The following DNAJC3 variants were observed in gnomAD, a reference collection of about 807,000 sequenced individuals.
DNAJC3 encodes the protein dnaJ homolog subfamily C member 3.
In DNAJC3, 38 loss-of-function variants were observed where a neutral mutation model predicts 68.6. The observed-to-expected ratio is 0.55, with a 90% CI of 0.43 to 0.73. The LOEUF (loss-of-function observed/expected upper bound fraction) is 0.73. Among genes scored for constraint, DNAJC3 ranks in the 30% least tolerant of loss-of-function variants. The pLI, the probability that DNAJC3 is intolerant of heterozygous loss-of-function variation, is 0.00. For synonymous variants in DNAJC3, 203 were observed against 204.0 expected (o/e 1.00, Z 0.04); for missense variants, 526 against 591.9 (o/e 0.89, Z 1.16).
intron 7 of DNAJC3, among the ~76,000 whole-genome samples, chr13:95,762,258 G>A (rs374869033): frequency 2.0e-5 from 3 of 151,430 alleles, no homozygotes; most frequent in African/African-American, 7.3e-5. Context: ...GCGAAACTCC[G>A]TCTCTAAAAA....
At chr13:95,698,833 G>A (rs1880516707) in intron 1 of DNAJC3, among the ~76,000 whole-genome samples, 1 of 152,214 alleles carries the variant, frequency 6.6e-6, no homozygotes, top group Non-Finnish European at 1.5e-5. Context: ...TTTTATAGGA[G>A]TATAAAGTAA....
intron 9 of DNAJC3, among the ~76,000 whole-genome samples, chr13:95,775,994 T>C (rs1038488008): frequency 6.6e-6 from 1 of 151,882 alleles, no homozygotes; most frequent in Non-Finnish European, 1.5e-5. Context: ...TTTTTATATA[T>C]ATATATATAC....
At chr13:95,705,514 C>G (rs1459679454) in intron 1 of DNAJC3, among the ~76,000 whole-genome samples, 1 of 151,686 alleles carries the variant, frequency 6.6e-6, no homozygotes, top group African/African-American at 2.4e-5. Context: ...CCCTCTCTCT[C>G]TCTCTCTTTT....
At chr13:95,739,019 G>T (rs184461361) in intron 4 of DNAJC3, among the ~76,000 whole-genome samples, 5 of 151,946 alleles carry the variant, frequency 3.3e-5, no homozygotes, top group African/African-American at 1.2e-4. Context: ...GGCAGGCCTG[G>T]TGGTGACAGA....
At chr13:95,692,506 ATCTTT>A (rs1029724989) in intron 1 of DNAJC3, 6 of 152,056 alleles carry the variant, frequency 3.9e-5, no homozygotes, top group Non-Finnish European at 7.4e-5. Context: ...GTTGTATTGA[ATCTTT>A]TATTATTTTA....
In DNAJC3 at chr13:95,758,589, G is replaced by A. The variant is rs1882733600; in HGVS notation, c.546+793G>A. On this transcript the variant is annotated intron_variant, in intron 5 of 11. Transcript: ENST00000602402. ...GGTTGCAGTGAGCCACTACACTGTA[G>A]CCTGGGCCACAGAGTGAGACTCCGT... Among the ~76,000 whole-genome samples the A allele has an allele frequency of 2.0e-5, 3 of 149,540 alleles. No individual in the cohort carries two copies. In the South Asian group the frequency reaches 6.4e-4, roughly 32 times the overall value.
chr13:95,768,588 GT>G (rs1254285895), intron 9 of DNAJC3, among the ~76,000 whole-genome samples: 1 of 152,184 alleles, frequency 6.6e-6, no homozygotes, highest in Non-Finnish European at 1.5e-5. Flanking sequence ...GTGTTATCCT[GT>G]TTGCAGATTC....
At chr13:95,730,307 G>A (rs544336788) in intron 4 of DNAJC3, among the ~76,000 whole-genome samples, 163 of 152,226 alleles carry the variant, frequency 1.1e-3, no homozygotes, top group Middle Eastern at 3.4e-3. Flanking sequence ...AAGCTTTTTA[G>A]TTTAATATAA....
At chr13:95,692,773 A>G (rs937100132) in intron 1 of DNAJC3, 8 of 151,746 alleles carry the variant, frequency 5.3e-5, no homozygotes, top group South Asian at 2.1e-4. Context: ...AATACTCACA[A>G]TTGACATTAA....
At position 95,787,154 on chromosome 13, in the gene DNAJC3, A is replaced by G. The variant is rs1883625745; in HGVS notation, c.1356A>G (p.Pro452=). 1.2e-6 allele frequency: 2 copies of G among 1,608,482 alleles called. No homozygotes were observed. The highest frequency in any genetic ancestry group is 1.7e-6 in the Non-Finnish European group (2 of 1,178,616). ...CTGCTAAAGAAGTCCTCTCTGATCC[A>G]GGTATTATTAGCTTTTATTCCTTTG... is the stretch of plus-strand genomic sequence containing the variant. The part of the protein sequence containing the change: ...IAAAKEVLSD[P]EMRKKFDDGE... The change falls in exon 11 of 12, where the codon CCA becomes CCG. Residue 452 remains proline, a splice_region_variant and synonymous_variant. Coordinates refer to ENST00000602402, the MANE Select transcript of DNAJC3 (RefSeq NM_006260.5).
At chr13:95,747,595 G>A (rs1882343513) in intron 4 of DNAJC3, among the ~76,000 whole-genome samples, 1 of 152,198 alleles carries the variant, frequency 6.6e-6, no homozygotes, top group South Asian at 2.1e-4. Flanking sequence ...GCTCTTTATG[G>A]CCATTGAAGG....
intron 1 of DNAJC3, among the ~76,000 whole-genome samples, chr13:95,703,672 A>G (rs1329000763): frequency 6.6e-6 from 1 of 152,252 alleles, no homozygotes; most frequent in African/African-American, 2.4e-5. Flanking sequence ...CTGTATATAC[A>G]AATAAACATG....
At chr13:95,688,927 G>GGTGTGT (rs57546561) in intron 1 of DNAJC3, among the ~76,000 whole-genome samples, 40 of 129,748 alleles carry the variant, frequency 3.1e-4, no homozygotes, top group African/African-American at 5.2e-4. Flanking sequence ...TGATTGTGTG[G>GGTGTGT]GTGTGTGTGT....
intron 2 of DNAJC3, 114 bp downstream of exon 2, chr13:95,709,451 T>G (rs1468565421): frequency 1.3e-6 from 1 of 746,300 alleles, no homozygotes; most frequent in Non-Finnish European, 2.1e-6. Flanking sequence ...AATAAAACAT[T>G]TAAATATATT....
chr13:95,677,298 T>G lies in DNAJC3; in HGVS notation c.43T>G (p.Phe15Val), dbSNP rs372815873. 6 of 1,600,750 alleles carry G rather than the reference T, an allele frequency of 3.7e-6. No individual in the cohort carries two copies. Among genetic ancestry groups the G allele is most frequent in the Non-Finnish European group, 5.1e-6 (6 of 1,174,876 alleles). ...CGTGACCAGCCGGCTGGGCTCGGTA[T>G]TCCCCTTCCTGCTAGTCCTGGTGGA... is the stretch of plus-strand genomic sequence containing the variant. ...GSVTSRLGSV[F>V]PFLLVLVDLQ... is the part of the protein sequence containing the mutation. The change falls in exon 1 of 12, where the codon TTC becomes GTC. Residue 15 changes from phenylalanine (F) to valine (V), a missense_variant. Physicochemically the swap from Phe to Val is conservative, Grantham distance 50. Coordinates refer to ENST00000602402, the MANE Select transcript of DNAJC3 (RefSeq NM_006260.5).
rs146199951 is a variant in DNAJC3, at chr13:95,750,762, C to T, written c.394-6882C>T. 8.5e-3 allele frequency among the ~76,000 whole-genome samples: 1,286 copies of T among 152,126 alleles called. 24 individuals are homozygous for T. Among genetic ancestry groups the T allele is most frequent in the African/African-American group, 0.03 (1,229 of 41,518 alleles). ...CTGGCCTCCAGTATTCCACCCACCTCAGCCTCCCAAAGTGCTGGGATTACA... is the reference window on the plus strand; with the variant it reads ...CTGGCCTCCAGTATTCCACCCACCTTAGCCTCCCAAAGTGCTGGGATTACA... On this transcript the variant is annotated intron_variant, in intron 4 of 11. Transcript: ENST00000602402.
intron 5 of DNAJC3, 111 bp from the exon 6 acceptor site, chr13:95,759,929 C>T (rs1882769713): frequency 1.8e-6 from 2 of 1,094,414 alleles, no homozygotes; most frequent in Non-Finnish European, 1.3e-6. Flanking sequence ...GTCATCACAT[C>T]AATTGAGAAT....
intron 4 of DNAJC3, among the ~76,000 whole-genome samples, chr13:95,730,647 T>C (rs1881680846): frequency 6.6e-6 from 1 of 152,236 alleles, no homozygotes. Context: ...TTCTGGGTTC[T>C]CTAATCTGTT....
intron 4 of DNAJC3, among the ~76,000 whole-genome samples, chr13:95,742,236 A>G (rs1882168493): frequency 6.6e-6 from 1 of 152,162 alleles, no homozygotes; most frequent in African/African-American, 2.4e-5. Flanking sequence ...GGTGGCAGCA[A>G]CCAGCTACAG....
Sources: gnomAD v4.1 joint callset for allele counts (sites outside exome capture counted in the v4.1 genomes callset) on GRCh38, gnomAD v4.1.1 for gene constraint, MANE v1.5 for transcripts, NCBI Gene and HGNC (gene_info 2026-07-23, HGNC 2026-07-21) for gene names.